FBXW10B: variants seen among roughly 807,000 people sequenced by gnomAD.
FBXW10B encodes F-box and WD repeat domain containing protein 10B.
the FBXW10B span, among the ~76,000 whole-genome samples, chr17:15,603,426 T>C: frequency 6.6e-6 from 1 of 152,092 alleles, no homozygotes; most frequent in Admixed American, 6.5e-5. Flanking sequence ...ATTGGTTCTG[T>C]TTCTCTGGAG....
the FBXW10B span, chr17:15,565,676 C>G: frequency 6.2e-7 from 1 of 1,614,240 alleles, no homozygotes; most frequent in Non-Finnish European, 8.5e-7. Context: ...GACTCCCTGG[C>G]CTGATATTCC....
chr17:15,616,811 C>CAAAAAAAA, the FBXW10B span, among the ~76,000 whole-genome samples: 1 of 64,634 alleles, frequency 1.5e-5, no homozygotes, highest in Non-Finnish European at 3.0e-5. Context: ...GACTCTGTCT[C>CAAAAAAAA]AAAAAAAAAA....
chr17:15,581,644 C>A, the FBXW10B span, among the ~76,000 whole-genome samples: 2 of 151,866 alleles, frequency 1.3e-5, no homozygotes, highest in East Asian at 3.9e-4. Context: ...CGGCCGCAGT[C>A]AGCACTGGAG....
the FBXW10B span, among the ~76,000 whole-genome samples, chr17:15,611,951 G>A: frequency 6.6e-6 from 1 of 152,244 alleles, no homozygotes; most frequent in South Asian, 2.1e-4. Context: ...AGGGATGAGG[G>A]AGCCAAATTC....
chr17:15,589,752 C>A, the FBXW10B span, among the ~76,000 whole-genome samples: 1 of 151,760 alleles, frequency 6.6e-6, no homozygotes, highest in Non-Finnish European at 1.5e-5. Context: ...AGGTTTCCTG[C>A]AATATATGTA....
the FBXW10B span, among the ~76,000 whole-genome samples, chr17:15,580,229 T>C: frequency 6.6e-6 from 1 of 152,204 alleles, no homozygotes. Context: ...AATAGTGCTG[T>C]TTTTCTTATT....
chr17:15,584,551 G>A, the FBXW10B span, among the ~76,000 whole-genome samples: 1 of 152,188 alleles, frequency 6.6e-6, no homozygotes, highest in Admixed American at 6.5e-5. Flanking sequence ...AACATAACAG[G>A]AAAATAAATT....
At chr17:15,572,468 T>C in the FBXW10B span, 1 of 152,262 alleles carries the variant, frequency 6.6e-6, no homozygotes, top group Admixed American at 6.5e-5. Flanking sequence ...CATCTCTGGA[T>C]GTTACACTCT....
At chr17:15,612,284 G>A in the FBXW10B span, among the ~76,000 whole-genome samples, 1 of 151,986 alleles carries the variant, frequency 6.6e-6, no homozygotes, top group Admixed American at 6.5e-5. Context: ...GAGGCGGGCG[G>A]ATCACAAGGT....
At chr17:15,619,390 G>T in the FBXW10B span, 2 of 1,613,824 alleles carry the variant, frequency 1.2e-6, no homozygotes, top group South Asian at 2.2e-5. Context: ...ACCACTCTTT[G>T]GTAGAGAAGA....
the FBXW10B span, among the ~76,000 whole-genome samples, chr17:15,582,805 G>A: frequency 4.0e-4 from 61 of 152,158 alleles, no homozygotes; most frequent in African/African-American, 1.1e-3. Context: ...CCAAAGAGCC[G>A]TTCAGTGGGA....
the FBXW10B span, among the ~76,000 whole-genome samples, chr17:15,597,956 G>A: frequency 0.025 from 3,777 of 152,272 alleles, 154 homozygotes; most frequent in African/African-American, 0.085. Context: ...TGGCAGAGCC[G>A]GGATTTGGAC....
chr17:15,609,387 G>A, the FBXW10B span, among the ~76,000 whole-genome samples: 2 of 151,652 alleles, frequency 1.3e-5, no homozygotes, highest in African/African-American at 2.4e-5. Context: ...AGTGTCCAGG[G>A]AGTTTTCCAT....
the FBXW10B span, among the ~76,000 whole-genome samples, chr17:15,611,783 C>T: frequency 6.6e-6 from 1 of 152,196 alleles, no homozygotes. Flanking sequence ...GCGCAGAAAT[C>T]TAATGGTTTT....
chr17:15,596,376 C>A, the FBXW10B span: 1 of 1,266,042 alleles, frequency 7.9e-7, no homozygotes, highest in Non-Finnish European at 1.1e-6. Context: ...TTGGGGCCTT[C>A]CCCTTTAGAG....
chr17:15,589,096 G>A, the FBXW10B span: 281,228 of 1,492,934 alleles, frequency 0.19, 18,818 homozygotes, highest in Admixed American at 0.26. Context: ...TAAGTGTCCT[G>A]CGATGTGGAG....
At chr17:15,600,865 G>T in the FBXW10B span, among the ~76,000 whole-genome samples, 78,095 of 148,846 alleles carry the variant, frequency 0.52, 22,670 homozygotes, top group African/African-American at 0.78. Context: ...CTGGCCAACA[G>T]AGTGAAACCT....
At chr17:15,577,653 C>G in the FBXW10B span, among the ~76,000 whole-genome samples, 1 of 152,156 alleles carries the variant, frequency 6.6e-6, no homozygotes, top group African/African-American at 2.4e-5. Context: ...CCTAATGTCT[C>G]TTCACTTTGA....
At chr17:15,590,263 A>AT in the FBXW10B span, among the ~76,000 whole-genome samples, 1 of 147,452 alleles carries the variant, frequency 6.8e-6, no homozygotes, top group South Asian at 2.2e-4. Context: ...TGAGGGCTCA[A>AT]TTTGGGATCT....
Sources: gnomAD v4.1 joint callset for allele counts (sites outside exome capture counted in the v4.1 genomes callset) on GRCh38, gnomAD v4.1.1 for gene constraint, MANE v1.5 for transcripts, NCBI Gene and HGNC (gene_info 2026-07-23, HGNC 2026-07-21) for gene names.